The following CUL2 variants were observed in gnomAD, a reference collection of about 807,000 sequenced individuals.
CUL2 encodes cullin-2.
In CUL2, 22 loss-of-function variants were observed where a neutral mutation model predicts 110.2. The observed-to-expected ratio is 0.20, with a 90% CI of 0.14 to 0.28. The LOEUF is 0.28. Among genes scored for constraint, CUL2 ranks in the 10% least tolerant of loss-of-function variants. CUL2 has a pLI of 1.00. For missense variants in CUL2, 631 were observed against 905.5 expected (o/e 0.70, Z 3.89); for synonymous variants, 279 against 293.2 (o/e 0.95, Z 0.49).
chr10:35,057,529 T>TAC (rs1337626496), intron 4 of CUL2, among the ~76,000 whole-genome samples: 4 of 150,502 alleles, frequency 2.7e-5, no homozygotes, highest in South Asian at 2.1e-4. Context: ...GGTGGTTGCC[T>TAC]GTAATCCCAG....
At chr10:35,061,279 G>A (rs1431986616) in intron 3 of CUL2, among the ~76,000 whole-genome samples, 3 of 151,920 alleles carry the variant, frequency 2.0e-5, no homozygotes, top group African/African-American at 7.3e-5. Flanking sequence ...TTCAAGACCA[G>A]CCTGACCAAC....
chr10:35,054,321 C>A, intron 5 of CUL2, 113 bp downstream of exon 5: 1 of 610,012 alleles, frequency 1.6e-6, no homozygotes, highest in Non-Finnish European at 2.8e-6. Context: ...TCTTTTAAAT[C>A]TTGACCATTT....
intron 2 of CUL2, among the ~76,000 whole-genome samples, chr10:35,097,046 A>G (rs917264757): frequency 2.0e-5 from 3 of 152,068 alleles, no homozygotes; most frequent in East Asian, 1.9e-4. Context: ...CTGTCTCCAC[A>G]TGACCCGTCC....
At chr10:35,068,038 A>G (rs923491373) in intron 2 of CUL2, among the ~76,000 whole-genome samples, 1 of 147,504 alleles carries the variant, frequency 6.8e-6, no homozygotes, top group African/African-American at 2.5e-5. Flanking sequence ...TGAACCCGGG[A>G]GGCGGAGCTT....
At chr10:35,112,189 G>C (rs1386716100) in intron 1 of CUL2, among the ~76,000 whole-genome samples, 1 of 152,100 alleles carries the variant, frequency 6.6e-6, no homozygotes, top group African/African-American at 2.4e-5. Flanking sequence ...CATTCTTTTA[G>C]TCTTACAAAA....
chr10:35,095,565 A>T (rs1029557329), upstream of CUL2, among the ~76,000 whole-genome samples: 1 of 151,828 alleles, frequency 6.6e-6, no homozygotes, highest in Non-Finnish European at 1.5e-5. Flanking sequence ...GTGTGTGTGT[A>T]TATATATTTT....
chr10:35,079,949 T>C (rs2086906670), intron 1 of CUL2, among the ~76,000 whole-genome samples: 1 of 152,236 alleles, frequency 6.6e-6, no homozygotes, highest in Non-Finnish European at 1.5e-5. Context: ...GTAGAGATGC[T>C]GGACAAAGGG....
At chr10:35,048,606 T>C (rs1255631626) in intron 6 of CUL2, among the ~76,000 whole-genome samples, 4 of 152,202 alleles carry the variant, frequency 2.6e-5, no homozygotes, top group African/African-American at 9.6e-5. Context: ...GTTGGGAGTG[T>C]TCTTTTAGTT....
chr10:35,057,619 C>G (rs1412412400), intron 4 of CUL2, among the ~76,000 whole-genome samples: 2 of 148,906 alleles, frequency 1.3e-5, no homozygotes, highest in African/African-American at 5.0e-5. Flanking sequence ...TGCCACTGCA[C>G]TCCAGCCTGG....
At chr10:35,026,026 AC>A (rs1213998432) in intron 16 of CUL2, among the ~76,000 whole-genome samples, 3 of 152,232 alleles carry the variant, frequency 2.0e-5, no homozygotes, top group Admixed American at 2.0e-4. Flanking sequence ...GCAATGACTG[AC>A]CTATCAGCTA....
At chr10:35,036,027 T>C (rs557169611) in intron 9 of CUL2, among the ~76,000 whole-genome samples, 1 of 152,304 alleles carries the variant, frequency 6.6e-6, no homozygotes, top group South Asian at 2.1e-4. Context: ...TTATCACAAG[T>C]GAACACACAA....
chr10:35,125,728 G>C (rs919700427), intron 1 of CUL2, among the ~76,000 whole-genome samples: 1 of 152,344 alleles, frequency 6.6e-6, no homozygotes, highest in South Asian at 2.1e-4. Flanking sequence ...TGGACCTGCT[G>C]TAAGTTGTTT....
intron 1 of CUL2, among the ~76,000 whole-genome samples, chr10:35,113,256 G>A (rs1047239659): frequency 4.0e-5 from 6 of 150,730 alleles, no homozygotes; most frequent in African/African-American, 1.2e-4. Context: ...AGCATTTTGG[G>A]AGCCCGAGGT....
At chr10:35,045,935 C>A (rs2085927361) in intron 6 of CUL2, among the ~76,000 whole-genome samples, 1 of 152,174 alleles carries the variant, frequency 6.6e-6, no homozygotes, top group African/African-American at 2.4e-5. Context: ...AACTTATTAT[C>A]ATCATTCCCT....
Position 35,087,414 on chromosome 10 carries a change from A to G in CUL2, c.-23+2765T>C, listed in dbSNP as rs568915774. ...CCATGAAGCCAGAAATTTTTTAACCACTATATCCACACATCTGGTTTAAAG... is the reference window on the plus strand; with the variant it reads ...CCATGAAGCCAGAAATTTTTTAACCGCTATATCCACACATCTGGTTTAAAG... On this transcript the variant is annotated intron_variant, in intron 1 of 20. Transcript: ENST00000374749. Among the ~76,000 whole-genome samples the G allele has an allele frequency of 3.3e-5, 5 of 152,222 alleles. No homozygotes were observed. In the East Asian group the frequency reaches 9.6e-4, roughly 29 times the overall value.
rs774400336 is a variant in CUL2, at chr10:35,035,216, G to A, written c.958C>T (p.His320Tyr). The A allele has an allele frequency of 6.8e-6, 11 of 1,614,060 alleles. No homozygotes were observed. The South Asian group carries it at 1.2e-4, about 18-fold the overall frequency. The stretch of plus-strand genomic sequence containing the variant: ...CTGGTTGCTCGAAGGCCCTCATCAT[G>A]GATGTGGTTTTGCAGCTCCTGAATC... Reference protein sequence around the residue: ...HMIQELQNHIHDEGLRATSNL... With the variant: ...HMIQELQNHIYDEGLRATSNL... The change falls in exon 10 of 21, where the codon CAT (histidine) becomes TAT (tyrosine). Residue 320 changes from histidine to tyrosine, a missense_variant. Transcript: ENST00000374749.
chr10:35,040,858 C>A (rs183406708), intron 8 of CUL2, among the ~76,000 whole-genome samples: 1 of 152,132 alleles, frequency 6.6e-6, no homozygotes, highest in Non-Finnish European at 1.5e-5. Context: ...ATGGAGTTTG[C>A]GCTCTGTGAG....
At chr10:35,032,304 T>C (rs569280093) in intron 12 of CUL2, 131 bp downstream of exon 12, 6 of 733,080 alleles carry the variant, frequency 8.2e-6, no homozygotes, top group South Asian at 6.6e-5. Flanking sequence ...CCAAACTATA[T>C]ACAATGTAGA....
At chr10:35,011,485 G>A (rs2084901246) in intron 20 of CUL2, among the ~76,000 whole-genome samples, 2 of 152,072 alleles carry the variant, frequency 1.3e-5, no homozygotes, top group Admixed American at 1.3e-4. Context: ...AAGTATGGTG[G>A]TGCACGCCTG....
Sources: allele counts gnomAD v4.1 joint callset (sites outside exome capture counted in the v4.1 genomes callset), GRCh38; gene constraint gnomAD v4.1.1; transcripts MANE v1.5; gene names NCBI Gene and HGNC (gene_info 2026-07-23, HGNC 2026-07-21).